BMS1: variants seen among roughly 807,000 people sequenced by gnomAD.
The protein encoded by BMS1 is ribosome biogenesis protein BMS1 homolog.
Under a neutral mutation model 138.7 loss-of-function variants are expected in BMS1, and 53 were observed. That is an observed-to-expected ratio of 0.38 (90% CI 0.31 to 0.48). The LOEUF (loss-of-function observed/expected upper bound fraction) is 0.48, where lower values mean the gene tolerates loss of function less well. BMS1 is among the 20% of genes least tolerant of loss of function. The pLI is 0.97. For missense variants in BMS1, 1,360 were observed against 1,565.5 expected (o/e 0.87, Z 2.22); for synonymous variants, 504 against 539.9 (o/e 0.93, Z 0.92).
chr10:42,785,673 G>A lies in BMS1; in HGVS notation c.367+1G>A, dbSNP rs1402680852. ...AGAGGCCCTGTGACGATTGTGTCAG[G>A]TAGGAGATGCCACCACAGACACAGA... On this transcript the variant is annotated splice_donor_variant, in intron 3 of 22. Transcript: ENST00000374518. LOFTEE classifies it high-confidence loss of function. The A allele has an allele frequency of 6.2e-7, 1 of 1,612,640 alleles. No homozygotes were observed. The highest frequency in any genetic ancestry group is 1.7e-5 in the Admixed American group (1 of 59,950).
rs118029903 is a variant in BMS1, at chr10:42,808,122, T to C, written c.2329+5904T>C. Among the ~76,000 whole-genome samples, 1,476 of 152,244 alleles carry C rather than the reference T, an allele frequency of 9.7e-3. 10 individuals carry two copies. Among genetic ancestry groups the C allele is most frequent in the Non-Finnish European group, 0.015 (1,054 of 68,016 alleles). On this transcript the variant is annotated intron_variant, in intron 13 of 22. Transcript: ENST00000374518. ...AAAATGTCTGGGGATGTCTTTTTTT[T>C]GCACTTTTAAAAATTGGGTTGGGTT...
At chr10:42,794,932 G>A (rs1020844676) in intron 9 of BMS1, among the ~76,000 whole-genome samples, 1 of 151,778 alleles carries the variant, frequency 6.6e-6, no homozygotes, top group Non-Finnish European at 1.5e-5. Context: ...CCCCACAACA[G>A]TCCCCAGAGT....
chr10:42,825,790 T>C (rs1297644975), intron 21 of BMS1, among the ~76,000 whole-genome samples: 1 of 152,220 alleles, frequency 6.6e-6, no homozygotes, highest in Non-Finnish European at 1.5e-5. Flanking sequence ...CTGATTGCTC[T>C]TGCAAGTACT....
chr10:42,815,881 G>A (rs1842333159), intron 13 of BMS1, among the ~76,000 whole-genome samples: 3 of 152,196 alleles, frequency 2.0e-5, no homozygotes, highest in East Asian at 1.9e-4. Flanking sequence ...TGTGTTACAC[G>A]ATTGTGTTGT....
chr10:42,823,893 AGTCTAAC>A (rs200415090), intron 21 of BMS1, 109 bp downstream of exon 21: 18,389 of 1,025,530 alleles, frequency 0.018, 251 homozygotes, highest in Middle Eastern at 0.051. Flanking sequence ...TCAAGTATAA[AGTCTAAC>A]GTTAAATTTG....
chr10:42,788,763 C>CA (rs1841416310), intron 4 of BMS1, among the ~76,000 whole-genome samples: 1 of 152,228 alleles, frequency 6.6e-6, no homozygotes. Flanking sequence ...AGGGTGCACA[C>CA]AATGTGCATT....
In BMS1 at chr10:42,831,130, C is replaced by T. The variant is rs924261180; in HGVS notation, c.*34C>T. ...ACTGGAGGGACTGTCCCTGGATCTG[C>T]GGAGGTAGACAGTTTCAAACATCAC... On this transcript the variant is annotated 3_prime_UTR_variant, in exon 23 of 23. Transcript: ENST00000374518. 8 of 1,532,368 alleles carry T rather than the reference C, an allele frequency of 5.2e-6. No homozygotes were observed. The highest frequency in any genetic ancestry group is 7.0e-6 in the Non-Finnish European group (8 of 1,136,326). The allele number at this position is 1,532,368 out of a possible 1,614,324, so 94.9% of individuals were successfully genotyped here.
rs528801502 is a variant in BMS1 at position 42,807,386 on chromosome 10, T to C, written c.2329+5168T>C. ...GCATATACCATAGGTCATTCCTTTT[T>C]ATTGCTGAGTAGTGCTCCATTGTAT... On this transcript the variant is annotated intron_variant, in intron 13 of 22. Transcript: ENST00000374518. Among the ~76,000 whole-genome samples, 4 of 152,366 alleles carry C rather than the reference T, an allele frequency of 2.6e-5. No homozygotes were observed. The East Asian group carries it at 7.7e-4, about 29-fold the overall frequency.
intron 12 of BMS1, among the ~76,000 whole-genome samples, chr10:42,800,288 T>A (rs1210498607): frequency 1.3e-5 from 2 of 152,142 alleles, no homozygotes; most frequent in Non-Finnish European, 1.5e-5. Flanking sequence ...GCTTCCCAGG[T>A]GATGGTGTTT....
chr10:42,823,604 T>G lies in BMS1; in HGVS notation c.3281-5T>G. 1 of 1,525,316 alleles carries G rather than the reference T, an allele frequency of 6.6e-7. No homozygotes were observed. The highest frequency in any genetic ancestry group is 8.7e-7 in the Non-Finnish European group (1 of 1,145,570). The allele number at this position is 1,525,316 out of a possible 1,614,324, so 94.5% of individuals were successfully genotyped here. Reference sequence around the variant, plus strand: ...AATGTTAAAGTAAATTACCTCTCTTTTCAGATATTGTCTTCATGCGAACTT... The same window carrying G: ...AATGTTAAAGTAAATTACCTCTCTTGTCAGATATTGTCTTCATGCGAACTT... On this transcript the variant is annotated splice_region_variant and splice_polypyrimidine_tract_variant and intron_variant, in intron 20 of 22. Coordinates refer to ENST00000374518, the MANE Select transcript of BMS1 (RefSeq NM_014753.4).
chr10:42,783,872 AAAATTT>A (rs1455179963), intron 1 of BMS1, among the ~76,000 whole-genome samples: 2 of 152,222 alleles, frequency 1.3e-5, no homozygotes, highest in African/African-American at 4.8e-5. Context: ...TTTTTTTATT[AAAATTT>A]AAGTTTTAGT....
chr10:42,820,128 A>C, intron 15 of BMS1, 108 bp from the exon 16 acceptor site: 3 of 1,378,618 alleles, frequency 2.2e-6, no homozygotes, highest in South Asian at 2.7e-5. Flanking sequence ...AAGCCTACAT[A>C]ATTCTGTCCA....
At position 42,791,808 on chromosome 10, in the gene BMS1, T is replaced by G. The variant is rs751377507; in HGVS notation, c.779+39T>G. On this transcript the variant is annotated intron_variant, in intron 6 of 22. Coordinates refer to ENST00000374518, the MANE Select transcript of BMS1 (RefSeq NM_014753.4). ...TTAAGCTTTTTCTTCCTGGGCCATA[T>G]ATTTCAAAGCTAAAAAGGCTAGAAA... 19 of 1,573,444 alleles carry G rather than the reference T, an allele frequency of 1.2e-5. No individual in the cohort carries two copies. In the East Asian group the frequency reaches 4.3e-4, roughly 36 times the overall value.
In BMS1 at chr10:42,797,079, C is replaced by G. The variant is rs1841711121; in HGVS notation, c.1835C>G (p.Ala612Gly). 6.2e-7 allele frequency: 1 copy of G among 1,614,140 alleles called. No homozygotes were observed. The highest frequency in any genetic ancestry group is 1.7e-5 in the Admixed American group (1 of 60,010). Residue 612 changes from alanine (A) to glycine (G), a missense_variant, in exon 10 of 23, where the codon GCT (alanine) becomes GGT (glycine). By Grantham distance (60) the Ala-to-Gly change is moderately conservative. This residue lies in a region of BMS1 where 697 missense variants were observed against 686.2 expected (regional missense o/e 1.02). Transcript: ENST00000374518. Reference sequence around the variant, plus strand: ...GAAGAAGACTCAGAAAATGAAGAGGCTATTAGAAAAAAGCTTTCAAAGCCT... The same window carrying G: ...GAAGAAGACTCAGAAAATGAAGAGGGTATTAGAAAAAAGCTTTCAAAGCCT... ...AEEEDSENEE[A>G]IRKKLSKPSQ...
intron 13 of BMS1, 80 bp from the exon 14 acceptor site, chr10:42,816,519 A>AC: frequency 8.6e-7 from 1 of 1,168,068 alleles, no homozygotes; most frequent in Non-Finnish European, 1.2e-6. Flanking sequence ...CGCAGAGCAC[A>AC]CTGTGGGCCT....
At chr10:42,827,753 T>TG (rs1842691043) in intron 21 of BMS1, among the ~76,000 whole-genome samples, 1 of 152,146 alleles carries the variant, frequency 6.6e-6, no homozygotes, top group African/African-American at 2.4e-5. Flanking sequence ...TGATGCACTC[T>TG]GGGGCTCTCC....
In BMS1 at chr10:42,831,193, A is replaced by G; in HGVS notation, c.*97A>G. 1 of 1,247,188 alleles carries G rather than the reference A, an allele frequency of 8.0e-7. No individual in the cohort carries two copies. Among genetic ancestry groups the G allele is most frequent in the Non-Finnish European group, 1.1e-6 (1 of 906,628 alleles). The allele number at this position is 1,247,188 out of a possible 1,614,324, so 77.3% of individuals were successfully genotyped here. A position where few individuals can be genotyped will look rare whatever the true frequency, so the allele number is the denominator to read the frequency against. On this transcript the variant is annotated 3_prime_UTR_variant, in exon 23 of 23. Transcript: ENST00000374518. Reference sequence around the variant, plus strand: ...TGTGAATGACAAGTCAGTGGGAAAGAGCTCAAGAGATGTCTCTACTCAAAC... The same window carrying G: ...TGTGAATGACAAGTCAGTGGGAAAGGGCTCAAGAGATGTCTCTACTCAAAC...
intron 12 of BMS1, among the ~76,000 whole-genome samples, chr10:42,799,522 C>G (rs1043545881): frequency 6.6e-6 from 1 of 152,172 alleles, no homozygotes; most frequent in Non-Finnish European, 1.5e-5. Context: ...ATCATACTGT[C>G]TATTGTAATT....
At chr10:42,789,638 T>A (rs1226755732) in intron 4 of BMS1, among the ~76,000 whole-genome samples, 1 of 152,136 alleles carries the variant, frequency 6.6e-6, no homozygotes, top group Non-Finnish European at 1.5e-5. Context: ...TTAAAAAAAA[T>A]TTCTGAGCAA....
Sources: gnomAD v4.1 joint callset for allele counts (sites outside exome capture counted in the v4.1 genomes callset) on GRCh38, gnomAD v4.1.1 for gene constraint, gnomAD v4.1.1 regional missense constraint, MANE v1.5 for transcripts, NCBI Gene and HGNC (gene_info 2026-07-23, HGNC 2026-07-21) for gene names.